CCDC88C: variants seen among roughly 807,000 people sequenced by gnomAD.
CCDC88C encodes the protein protein Daple.
CCDC88C carries 131 observed loss-of-function variants against 198.8 expected under a neutral mutation model. The observed-to-expected ratio is 0.66, with a 90% CI of 0.57 to 0.76. CCDC88C has a LOEUF of 0.76. Ranked by LOEUF, CCDC88C falls within the 30% of genes least tolerant of loss-of-function variation. CCDC88C has a pLI of 0.00. For synonymous variants in CCDC88C, 1,166 were observed against 1,114.7 expected (o/e 1.05, Z -0.92); for missense variants, 2,553 against 2,631.6 (o/e 0.97, Z 0.65).
intron 6 of CCDC88C, chr14:91,342,128 C>A (rs1893336700): frequency 5.1e-6 from 2 of 391,356 alleles, no homozygotes; most frequent in Non-Finnish European, 9.2e-6. Context: ...AAGAAGGAGA[C>A]AAAAGATGAC....
At position 91,273,990 on chromosome 14, in the gene CCDC88C, G is replaced by C. The variant is rs1420512356; in HGVS notation, c.5059-337C>G. 6.6e-6 allele frequency among the ~76,000 whole-genome samples: 1 copy of C among 152,076 alleles called. No individual in the cohort carries two copies. The highest frequency in any genetic ancestry group is 1.5e-5 in the Non-Finnish European group (1 of 68,018). ...AACCTCGACTATAGCCGACTGCTTC[G>C]GTCTGTCTGGTTTCCACCAAGCACA... On this transcript the variant is annotated intron_variant, in intron 29 of 29. Transcript: ENST00000389857. This position sits in a 1 kb window ranked among gnomAD's most constrained non-coding sequence, Gnocchi z 5.6.
At chr14:91,355,784 C>T (rs1894018004) in intron 4 of CCDC88C, among the ~76,000 whole-genome samples, 1 of 152,072 alleles carries the variant, frequency 6.6e-6, no homozygotes, top group Non-Finnish European at 1.5e-5. Context: ...TAAGTTGTGG[C>T]ACCTCCCTTT....
At chr14:91,302,164 CA>C (rs1356875591) in intron 20 of CCDC88C, among the ~76,000 whole-genome samples, 2 of 152,212 alleles carry the variant, frequency 1.3e-5, no homozygotes, top group Non-Finnish European at 2.9e-5. Flanking sequence ...AGCGCCCGCA[CA>C]AGGCTTTTGT....
At chr14:91,361,746 G>A (rs1894313083) in intron 3 of CCDC88C, among the ~76,000 whole-genome samples, 1 of 152,160 alleles carries the variant, frequency 6.6e-6, no homozygotes, top group African/African-American at 2.4e-5. Flanking sequence ...TTAGGGCTTG[G>A]GAAAAGTCAA....
chr14:91,281,318 G>A, intron 27 of CCDC88C, 139 bp downstream of exon 27: 1 of 1,535,120 alleles, frequency 6.5e-7, no homozygotes, highest in Non-Finnish European at 8.8e-7. Flanking sequence ...CCTGGGGAGG[G>A]GAAGGAAGAA....
intron 3 of CCDC88C, among the ~76,000 whole-genome samples, chr14:91,399,766 G>A (rs746401625): frequency 6.6e-5 from 10 of 150,878 alleles, no homozygotes; most frequent in Non-Finnish European, 1.2e-4. Flanking sequence ...GTGAACCCAG[G>A]AGGCAGAGGT....
rs541477761 is a variant in CCDC88C at position 91,274,406 on chromosome 14, C to T, written c.5059-753G>A. On this transcript the variant is annotated intron_variant, in intron 29 of 29. Transcript: ENST00000389857. ...ACCACCTTGGGAATAGGCAGAGCCA[C>T]AGAGGCAAGGGTCTATGGCCCCACT... is the stretch of plus-strand genomic sequence containing the variant. Among the ~76,000 whole-genome samples, 33 of 152,364 alleles carry T rather than the reference C, an allele frequency of 2.2e-4. No homozygotes were observed. In the South Asian group the frequency reaches 5.0e-3, roughly 23 times the overall value.
At chr14:91,340,315 CT>C (rs149783042) in intron 6 of CCDC88C, among the ~76,000 whole-genome samples, 4,773 of 152,296 alleles carry the variant, frequency 0.031, 111 homozygotes, top group Middle Eastern at 0.071. Flanking sequence ...GATAAGATAT[CT>C]TCATTGGAGC....
chr14:91,277,869 G>T lies in CCDC88C; in HGVS notation c.5058+53C>A, dbSNP rs527443649. ...TTCTGCAGCTATGATCTTGAGCCAG[G>T]AAGAGACAGAGAGGGAAGAGAGACG... On this transcript the variant is annotated intron_variant, in intron 29 of 29. Transcript: ENST00000389857. 1.1e-4 allele frequency: 165 copies of T among 1,448,718 alleles called. 2 individuals carry two copies. The African/African-American group carries it at 2.2e-3, about 19-fold the overall frequency. 89.7% of individuals were successfully genotyped at this position (1,448,718 alleles called of 1,614,324 possible). A position where few individuals can be genotyped will look rare whatever the true frequency, so the allele number is the denominator to read the frequency against.
intron 4 of CCDC88C, among the ~76,000 whole-genome samples, chr14:91,350,429 C>A (rs143936318): frequency 1.3e-5 from 2 of 152,072 alleles, no homozygotes; most frequent in Admixed American, 1.3e-4. Context: ...CCCAAAGTGC[C>A]GGGATTACAG....
rs745698548 is a variant in CCDC88C, at chr14:91,313,135, C to T, written c.2681G>A (p.Arg894Gln). The part of the protein sequence containing the change: ...GKLKELEKDN[R>Q]DLTKQVTVHA... Reference sequence around the variant, plus strand: ...CACGGTGACTTGCTTGGTGAGGTCCCGGTTGTCCTTCTCCAGCTCCTTCAG... The same window carrying T: ...CACGGTGACTTGCTTGGTGAGGTCCTGGTTGTCCTTCTCCAGCTCCTTCAG... Residue 894 changes from arginine (R) to glutamine (Q), a missense_variant, in exon 15 of 30, where the codon CGG (arginine) becomes CAG (glutamine). Transcript: ENST00000389857. This position sits in a 1 kb window ranked among gnomAD's most constrained non-coding sequence, Gnocchi z 5.2. 37 of 1,609,036 alleles carry T rather than the reference C, an allele frequency of 2.3e-5. No homozygotes were observed. Among genetic ancestry groups the T allele is most frequent in the South Asian group, 1.1e-4 (10 of 90,984 alleles).
intron 3 of CCDC88C, among the ~76,000 whole-genome samples, chr14:91,362,698 G>T (rs932567824): frequency 6.6e-5 from 10 of 152,278 alleles, no homozygotes; most frequent in African/African-American, 2.4e-4. Context: ...GGGAGGCTGA[G>T]GCAGGTGGAT....
rs1891928120 is a variant in CCDC88C at position 91,313,357 on chromosome 14, C to T, written c.2459G>A (p.Arg820Lys). 3 of 1,611,398 alleles carry T rather than the reference C, an allele frequency of 1.9e-6. No homozygotes were observed. In the African/African-American group the frequency reaches 4.0e-5, roughly 22 times the overall value. ...NAQLEGAEKDRKALEQEVAQL... is the reference protein window; with the variant it reads ...NAQLEGAEKDKKALEQEVAQL... ...GGCCACCTCCTGCTCCAGGGCCTTC[C>T]TGTCCTTCTCGGCCCCCTCCAACTG... Residue 820 changes from arginine (R) to lysine (K), a missense_variant, in exon 15 of 30, where the codon AGG becomes AAG. Around this residue, in one of 2 missense-constraint regions of CCDC88C, gnomAD observed 1,260 missense variants for 1,412.0 expected, o/e 0.89. Coordinates refer to ENST00000389857, the MANE Select transcript of CCDC88C (RefSeq NM_001080414.4). The surrounding 1 kb of genome is among the most constrained non-coding windows in gnomAD (Gnocchi z 5.2).
chr14:91,317,665 G>C (rs1892159677), intron 13 of CCDC88C, among the ~76,000 whole-genome samples: 1 of 152,230 alleles, frequency 6.6e-6, no homozygotes, highest in African/African-American at 2.4e-5. Context: ...GAGAGCTCCA[G>C]GCTTCAGACA....
In CCDC88C at chr14:91,312,303, G is replaced by A. The variant is rs553421204; in HGVS notation, c.2736+777C>T. On this transcript the variant is annotated intron_variant, in intron 15 of 29. Transcript: ENST00000389857. ...CTTAGGAGGCTGAGGCAGGAGAATC[G>A]CTTGAACCCAGGAGGTGGAGCCTGC... Among the ~76,000 whole-genome samples the A allele has an allele frequency of 9.2e-5, 14 of 152,222 alleles. No homozygotes were observed. In the South Asian group the frequency reaches 1.7e-3, roughly 18 times the overall value.
chr14:91,346,515 C>T (rs1187027480), intron 4 of CCDC88C, among the ~76,000 whole-genome samples: 1 of 151,948 alleles, frequency 6.6e-6, no homozygotes, highest in Admixed American at 6.6e-5. Context: ...TTTATTTGGC[C>T]CAAGATACTC....
intron 3 of CCDC88C, among the ~76,000 whole-genome samples, chr14:91,407,147 C>A (rs1197371719): frequency 6.6e-6 from 1 of 152,148 alleles, no homozygotes; most frequent in African/African-American, 2.4e-5. Flanking sequence ...CCATTGTCCA[C>A]TCCCTCCCTC....
chr14:91,338,742 T>A lies in CCDC88C; in HGVS notation c.810-172A>T. On this transcript the variant is annotated intron_variant, in intron 8 of 29. Coordinates refer to ENST00000389857, the MANE Select transcript of CCDC88C (RefSeq NM_001080414.4). The surrounding 1 kb of genome is among the most constrained non-coding windows in gnomAD (Gnocchi z 4.8). ...CAAAAATGTTACTGACTCAAAATTC[T>A]TTTCTTTTCATAAGTTTGCAACACC... is the stretch of plus-strand genomic sequence containing the variant. The A allele has an allele frequency of 1.7e-6, 1 of 601,046 alleles. No individual in the cohort carries two copies. The highest frequency in any genetic ancestry group is 3.0e-6 in the Non-Finnish European group (1 of 335,942). The allele number at this position is 601,046 out of a possible 1,614,324, so 37.2% of individuals were successfully genotyped here.
At chr14:91,293,595 A>C in intron 23 of CCDC88C, among the ~76,000 whole-genome samples, 1 of 135,126 alleles carries the variant, frequency 7.4e-6, no homozygotes, top group African/African-American at 2.8e-5. Context: ...CTCGCCTGCC[A>C]TGGCCCACCT....
Sources: allele counts gnomAD v4.1 joint callset (sites outside exome capture counted in the v4.1 genomes callset), GRCh38; gene constraint gnomAD v4.1.1; regional missense constraint gnomAD v4.1.1; non-coding constraint Gnocchi (gnomAD v3.1); transcripts MANE v1.5; gene names NCBI Gene and HGNC (gene_info 2026-07-23, HGNC 2026-07-21).